Variants in GLRA1 observed in about 807,000 individuals in gnomAD.
GLRA1 encodes glycine receptor subunit alpha-1.
In GLRA1, 37 loss-of-function variants were observed where a neutral mutation model predicts 48.3. The observed-to-expected ratio is 0.77, with a 90% confidence interval of 0.59 to 1.01. GLRA1 has a LOEUF of 1.01. Ranked by LOEUF, GLRA1 falls within the 50% of genes least tolerant of loss-of-function variation. The probability of loss-of-function intolerance (pLI) is 0.00; values close to 1 mark genes in which losing one functional copy is unlikely to be tolerated. For missense variants in GLRA1, 427 were observed against 571.0 expected (o/e 0.75, Z 2.57); for synonymous variants, 196 against 210.7 (o/e 0.93, Z 0.60).
intron 1 of GLRA1, among the ~76,000 whole-genome samples, chr5:151,904,483 C>T (rs1400729704): frequency 6.6e-6 from 1 of 152,184 alleles, no homozygotes; most frequent in Non-Finnish European, 1.5e-5. Context: ...ACGTAACCAC[C>T]AGCTTCCTCA....
In GLRA1 at chr5:151,924,524, A is replaced by G. The variant is rs1754960685; in HGVS notation, c.26T>C (p.Leu9Pro). MYSFNTLR[L>P]YLWETIVFFS... ...GAATACAATGGTCTCCCAAAGGTAG[A>G]GTCGAAGAGTATTGAAGCTGTACAT... Residue 9 changes from leucine (L) to proline (P), a missense_variant, in exon 1 of 9, where the codon CTC becomes CCC. Leu to Pro is a moderately conservative substitution (Grantham distance 98). Transcript: ENST00000274576. 1 of 1,604,806 alleles carries G rather than the reference A, an allele frequency of 6.2e-7. No individual in the cohort carries two copies. Among genetic ancestry groups the G allele is most frequent in the Non-Finnish European group, 8.5e-7 (1 of 1,171,560 alleles).
In GLRA1 at chr5:151,865,156, G is replaced by A. The variant is rs191894157; in HGVS notation, c.253-5148C>T. On this transcript the variant is annotated intron_variant, in intron 3 of 8. Coordinates refer to ENST00000274576, the MANE Select transcript of GLRA1 (RefSeq NM_000171.4). ...CTCTTAAGTGCCAGATACTATTCTA[G>A]GCACTGAGGAATCCACTGAGAACAA... 8.5e-5 allele frequency among the ~76,000 whole-genome samples: 13 copies of A among 152,206 alleles called. 1 individual carries two copies. The East Asian group carries it at 2.3e-3, about 27-fold the overall frequency.
intron 2 of GLRA1, among the ~76,000 whole-genome samples, chr5:151,890,007 T>C (rs894432381): frequency 3.3e-5 from 5 of 152,134 alleles, no homozygotes; most frequent in Admixed American, 3.3e-4. Flanking sequence ...CCGAGTAAGC[T>C]TCTCAGAGTG....
chr5:151,852,569 C>T (rs1177638291), intron 6 of GLRA1, among the ~76,000 whole-genome samples: 1 of 152,204 alleles, frequency 6.6e-6, no homozygotes, highest in Non-Finnish European at 1.5e-5. Context: ...TACTGAAGCA[C>T]AATAGCGAAT....
chr5:151,878,587 C>T (rs751644704), intron 3 of GLRA1, among the ~76,000 whole-genome samples: 7 of 152,128 alleles, frequency 4.6e-5, no homozygotes, highest in African/African-American at 1.2e-4. Context: ...AAAATCGTTT[C>T]GTGGGCCAAG....
chr5:151,829,108 G>A (rs1445501977), intron 7 of GLRA1, 41 bp from the exon 8 acceptor site: 1 of 1,602,712 alleles, frequency 6.2e-7, no homozygotes, highest in Non-Finnish European at 8.5e-7. Context: ...GTGAAAGCAG[G>A]GGAATGTAAA....
chr5:151,909,475 T>G (rs1491003729), intron 1 of GLRA1, among the ~76,000 whole-genome samples: 2 of 152,226 alleles, frequency 1.3e-5, no homozygotes, highest in African/African-American at 4.8e-5. Flanking sequence ...TACTTTCCAT[T>G]TTCTCCCAGG....
rs183952398 is a variant in GLRA1 at position 151,843,702 on chromosome 5, G to A, written c.912+7688C>T. ...CCAAAGCTACAGTAATCAAAACGGTGTGGTACTGACAAAAGGATCAACACA... is the reference window on the plus strand; with the variant it reads ...CCAAAGCTACAGTAATCAAAACGGTATGGTACTGACAAAAGGATCAACACA... On this transcript the variant is annotated intron_variant, in intron 7 of 8. Coordinates refer to ENST00000274576, the MANE Select transcript of GLRA1 (RefSeq NM_000171.4). Among the ~76,000 whole-genome samples the A allele has an allele frequency of 2.1e-3, 322 of 152,276 alleles. 1 individual carries two copies. Among genetic ancestry groups the A allele is most frequent in the East Asian group, 0.016 (83 of 5,182 alleles).
At position 151,861,189 on chromosome 5, in the gene GLRA1, G is replaced by A. The variant is rs577389487; in HGVS notation, c.253-1181C>T. Among the ~76,000 whole-genome samples, 350 of 152,226 alleles carry A rather than the reference G, an allele frequency of 2.3e-3. 1 individual carries two copies. Among genetic ancestry groups the A allele is most frequent in the African/African-American group, 7.7e-3 (318 of 41,526 alleles). On this transcript the variant is annotated intron_variant, in intron 3 of 8. Coordinates refer to ENST00000274576, the MANE Select transcript of GLRA1 (RefSeq NM_000171.4). The stretch of plus-strand genomic sequence containing the variant: ...GTGAATAATGCCACAATAAACATAC[G>A]TGTGCATGTGTCTTTATAGCAGCAT...
At chr5:151,864,378 T>A (rs1241631650) in intron 3 of GLRA1, among the ~76,000 whole-genome samples, 1 of 152,212 alleles carries the variant, frequency 6.6e-6, no homozygotes, top group African/African-American at 2.4e-5. Flanking sequence ...ATACATTTTA[T>A]CCTCACAAAA....
At chr5:151,828,432 G>C (rs938464651) in intron 8 of GLRA1, among the ~76,000 whole-genome samples, 1 of 152,200 alleles carries the variant, frequency 6.6e-6, no homozygotes, top group African/African-American at 2.4e-5. Context: ...CATATGGAGA[G>C]AGAACCCACT....
chr5:151,832,751 C>G (rs1030465804), intron 7 of GLRA1, among the ~76,000 whole-genome samples: 1 of 152,152 alleles, frequency 6.6e-6, no homozygotes. Flanking sequence ...GAGAACTTCC[C>G]CAACCTAGCA....
chr5:151,909,754 T>C (rs1754563907), intron 1 of GLRA1, among the ~76,000 whole-genome samples: 1 of 152,218 alleles, frequency 6.6e-6, no homozygotes, highest in African/African-American at 2.4e-5. Flanking sequence ...GTTGTCATGG[T>C]AATAAGAGAC....
At chr5:151,827,029 GTTT>G (rs199505206) in intron 8 of GLRA1, among the ~76,000 whole-genome samples, 14 of 126,796 alleles carry the variant, frequency 1.1e-4, no homozygotes, top group African/African-American at 3.8e-4. Context: ...CTTTCTTTCT[GTTT>G]TTTTTTTTTT....
intron 3 of GLRA1, among the ~76,000 whole-genome samples, chr5:151,880,100 T>C (rs1167352506): frequency 6.6e-6 from 1 of 152,246 alleles, no homozygotes; most frequent in African/African-American, 2.4e-5. Flanking sequence ...TCCCTAGCCA[T>C]GTAGAACTGT....
intron 1 of GLRA1, among the ~76,000 whole-genome samples, chr5:151,920,792 C>G (rs544451835): frequency 4.6e-5 from 7 of 152,172 alleles, no homozygotes; most frequent in African/African-American, 1.4e-4. Flanking sequence ...TCTGCAGTGC[C>G]AAAATGCAGC....
intron 3 of GLRA1, among the ~76,000 whole-genome samples, chr5:151,884,888 G>GA (rs1215103504): frequency 6.6e-6 from 1 of 152,196 alleles, no homozygotes; most frequent in Non-Finnish European, 1.5e-5. Context: ...AGGAGGGGAA[G>GA]AAAAGCAGAG....
At chr5:151,868,358 C>T (rs1353653662) in intron 3 of GLRA1, among the ~76,000 whole-genome samples, 2 of 152,186 alleles carry the variant, frequency 1.3e-5, no homozygotes, top group South Asian at 2.1e-4. Context: ...TGAGACTTCA[C>T]CACATGCAAG....
chr5:151,823,831 C>G (rs1763205835), intron 8 of GLRA1, among the ~76,000 whole-genome samples: 1 of 152,078 alleles, frequency 6.6e-6, no homozygotes, highest in African/African-American at 2.4e-5. Context: ...CCTTCTAGTT[C>G]ATCTCTTTCC....
Sources: gnomAD v4.1 joint callset for allele counts (sites outside exome capture counted in the v4.1 genomes callset) on GRCh38, gnomAD v4.1.1 for gene constraint, MANE v1.5 for transcripts, NCBI Gene and HGNC (gene_info 2026-07-23, HGNC 2026-07-21) for gene names.